CMSS1: variants seen among roughly 807,000 people sequenced by gnomAD.
CMSS1 encodes cms1 ribosomal small subunit homolog.
In CMSS1, 33 loss-of-function variants were observed where a neutral mutation model predicts 43.5. The ratio of observed to expected loss-of-function variants is 0.76; its 90% CI spans 0.57 to 1.01. CMSS1 has a LOEUF of 1.01. CMSS1 is among the 50% of genes least tolerant of loss of function. The pLI, the probability that CMSS1 is intolerant of heterozygous loss-of-function variation, is 0.00. For missense variants in CMSS1, 313 were observed against 326.4 expected, an observed-to-expected ratio of 0.96 and a Z score of 0.32; for synonymous variants, 115 against 117.2, an observed-to-expected ratio of 0.98 and a Z score of 0.12.
At chr3:99,827,576 A>G (rs1436611521) in intron 1 of CMSS1, among the ~76,000 whole-genome samples, 1 of 152,186 alleles carries the variant, frequency 6.6e-6, no homozygotes, top group Non-Finnish European at 1.5e-5. Context: ...TGGTTCCCAT[A>G]GAAGTGTCAA....
chr3:99,882,956 T>C (rs565013182), intron 1 of CMSS1, among the ~76,000 whole-genome samples: 1 of 152,368 alleles, frequency 6.6e-6, no homozygotes, highest in African/African-American at 2.4e-5. Flanking sequence ...TCTGAACTTT[T>C]AATATAAATT....
intron 1 of CMSS1, among the ~76,000 whole-genome samples, chr3:100,015,528 T>G (rs1416529942): frequency 6.6e-6 from 1 of 152,244 alleles, no homozygotes; most frequent in Non-Finnish European, 1.5e-5. Flanking sequence ...AGGATATCTT[T>G]CCATTTATTT....
chr3:100,074,129 A>T (rs1391309387), intron 1 of CMSS1, among the ~76,000 whole-genome samples: 1 of 152,166 alleles, frequency 6.6e-6, no homozygotes, highest in Non-Finnish European at 1.5e-5. Flanking sequence ...TGTATGCTGT[A>T]ACCTCAAAAA....
chr3:99,924,366 T>C (rs1198709302), intron 1 of CMSS1: 2 of 1,614,084 alleles, frequency 1.2e-6, no homozygotes. Context: ...TGTCCCAGGA[T>C]TCGTCTGTAA....
intron 1 of CMSS1, among the ~76,000 whole-genome samples, chr3:99,988,263 C>A (rs1709405553): frequency 6.7e-6 from 1 of 149,072 alleles, no homozygotes; most frequent in Non-Finnish European, 1.5e-5. Context: ...TTTGGGAGGC[C>A]TAGGCAGGCA....
At chr3:100,168,914 TACAC>T (rs534018826) in intron 6 of CMSS1, among the ~76,000 whole-genome samples, 21 of 150,014 alleles carry the variant, frequency 1.4e-4, no homozygotes, top group East Asian at 5.8e-4. Context: ...CACATATATA[TACAC>T]ACACACACAC....
At chr3:99,829,207 A>G (rs1942597360) in intron 1 of CMSS1, among the ~76,000 whole-genome samples, 1 of 149,380 alleles carries the variant, frequency 6.7e-6, no homozygotes. Flanking sequence ...ATCACAAAAA[A>G]TGTTTAGTGT....
chr3:99,818,754 A>G (rs1319121564), intron 1 of CMSS1, among the ~76,000 whole-genome samples: 1 of 152,234 alleles, frequency 6.6e-6, no homozygotes, highest in Admixed American at 6.5e-5. Context: ...AGCTCCTTTC[A>G]GAAACAATAC....
At chr3:99,899,513 G>T (rs1553694483) in intron 1 of CMSS1, among the ~76,000 whole-genome samples, 1 of 152,118 alleles carries the variant, frequency 6.6e-6, no homozygotes, top group Non-Finnish European at 1.5e-5. Context: ...AAAGGATTTA[G>T]TTTTTTTGTG....
At chr3:99,820,288 C>T (rs1312129244) in intron 1 of CMSS1, among the ~76,000 whole-genome samples, 2 of 151,790 alleles carry the variant, frequency 1.3e-5, no homozygotes, top group Non-Finnish European at 2.9e-5. Context: ...CCTCCACCTC[C>T]TGGGTTCAAG....
chr3:99,969,066 G>A (rs1391373725), intron 1 of CMSS1, among the ~76,000 whole-genome samples: 2 of 152,080 alleles, frequency 1.3e-5, no homozygotes, highest in African/African-American at 4.8e-5. Flanking sequence ...GAAGTAAAGG[G>A]GATAATTAAT....
intron 1 of CMSS1, among the ~76,000 whole-genome samples, chr3:99,990,201 C>T (rs573347284): frequency 3.7e-4 from 56 of 152,244 alleles, no homozygotes; most frequent in African/African-American, 1.3e-3. Context: ...TAACAGAATT[C>T]TCACTGGGTG....
chr3:100,153,506 T>C (rs990189224), intron 2 of CMSS1, among the ~76,000 whole-genome samples: 8 of 152,296 alleles, frequency 5.3e-5, no homozygotes, highest in Admixed American at 2.6e-4. Flanking sequence ...CAGGTGTGGT[T>C]TCTCCTGAGG....
chr3:99,998,406 A>G (rs569287530), intron 1 of CMSS1, among the ~76,000 whole-genome samples: 3 of 152,344 alleles, frequency 2.0e-5, no homozygotes, highest in African/African-American at 7.2e-5. Flanking sequence ...ATACCAACAC[A>G]TTCTTTGAGT....
At chr3:99,945,879 C>T (rs930608983) in intron 1 of CMSS1, among the ~76,000 whole-genome samples, 16 of 152,204 alleles carry the variant, frequency 1.1e-4, no homozygotes, top group African/African-American at 3.6e-4. Flanking sequence ...TGTCACAGAG[C>T]CAGTGGGAGA....
At chr3:100,105,936 A>G (rs1261682179) in intron 1 of CMSS1, among the ~76,000 whole-genome samples, 1 of 152,192 alleles carries the variant, frequency 6.6e-6, no homozygotes, top group Non-Finnish European at 1.5e-5. Flanking sequence ...ACTTAGAAAC[A>G]TCATCTTGGA....
intron 1 of CMSS1, among the ~76,000 whole-genome samples, chr3:99,884,163 G>C (rs1049102803): frequency 4.6e-5 from 7 of 152,114 alleles, no homozygotes; most frequent in Non-Finnish European, 7.4e-5. Flanking sequence ...TATGCATATG[G>C]GAAAAGCTCA....
At chr3:99,837,023 A>G (rs1942927637) in intron 1 of CMSS1, among the ~76,000 whole-genome samples, 1 of 152,240 alleles carries the variant, frequency 6.6e-6, no homozygotes. Context: ...AAAAAATAGT[A>G]ATAATCGTCC....
intron 1 of CMSS1, among the ~76,000 whole-genome samples, chr3:99,971,396 A>G (rs1708818374): frequency 6.6e-6 from 1 of 151,812 alleles, no homozygotes; most frequent in Non-Finnish European, 1.5e-5. Context: ...CCACACAAGG[A>G]AAGAAGTCCA....
Sources: allele counts gnomAD v4.1 joint callset (sites outside exome capture counted in the v4.1 genomes callset), GRCh38; gene constraint gnomAD v4.1.1; transcripts MANE v1.5; gene names NCBI Gene and HGNC (gene_info 2026-07-23, HGNC 2026-07-21).